The following INO80 variants were observed in gnomAD, a reference collection of about 807,000 sequenced individuals.
INO80 encodes the protein INO80 complex ATPase subunit.
In INO80, 20 loss-of-function variants were observed where a neutral mutation model predicts 203.4. The ratio of observed to expected loss-of-function variants is 0.10; its 90% confidence interval spans 0.07 to 0.14. The LOEUF (loss-of-function observed/expected upper bound fraction) is 0.14, where lower values mean the gene tolerates loss of function less well. INO80 is among the 10% of genes least tolerant of loss of function. The pLI, the probability that INO80 is intolerant of heterozygous loss-of-function variation, is 1.00. For missense variants in INO80, 1,419 were observed against 1,914.4 expected (o/e 0.74, Z 4.83); for synonymous variants, 726 against 685.2 (o/e 1.06, Z -0.93).
chr15:41,069,819 C>T (rs868585681), intron 13 of INO80, among the ~76,000 whole-genome samples, 154 bp from the exon 14 acceptor site: 49 of 152,160 alleles, frequency 3.2e-4, no homozygotes, highest in Middle Eastern at 6.8e-3. Context: ...TAGTAATATC[C>T]TATGTTAATA....
intron 7 of INO80, among the ~76,000 whole-genome samples, chr15:41,082,936 C>T (rs2045506438): frequency 6.6e-6 from 1 of 151,756 alleles, no homozygotes; most frequent in African/African-American, 2.4e-5. Context: ...TCTGAGGCCT[C>T]TTCATCAGGT....
intron 4 of INO80, among the ~76,000 whole-genome samples, chr15:41,094,621 CTTATGGAAG>C (rs2045693545): frequency 6.6e-6 from 1 of 152,182 alleles, no homozygotes; most frequent in Admixed American, 6.5e-5. Context: ...TACTCAGGAA[CTTATGGAAG>C]TTATGGAATT....
At position 41,056,098 on chromosome 15, in the gene INO80, T is replaced by A. The variant is rs537278801; in HGVS notation, c.2070+524A>T. Among the ~76,000 whole-genome samples, 407 of 152,114 alleles carry A rather than the reference T, an allele frequency of 2.7e-3. 3 individuals carry two copies. Among genetic ancestry groups the A allele is most frequent in the South Asian group, 0.013 (61 of 4,822 alleles). On this transcript the variant is annotated intron_variant, in intron 17 of 35. Transcript: ENST00000648947. ...AGCTAAGACTACAGGCATGCACCAC[T>A]ATGCCTGGCTAATTTTTTGATTTTT... is the stretch of plus-strand genomic sequence containing the variant.
intron 13 of INO80, among the ~76,000 whole-genome samples, chr15:41,070,175 T>C (rs2045288368): frequency 1.3e-5 from 2 of 152,226 alleles, no homozygotes; most frequent in African/African-American, 4.8e-5. Context: ...AGAGCTGAAA[T>C]GTTAGGCAAG....
chr15:41,080,972 T>A (rs899800389), intron 8 of INO80, 48 bp downstream of exon 8: 1 of 1,232,322 alleles, frequency 8.1e-7, no homozygotes, highest in Non-Finnish European at 1.2e-6. Context: ...AGAAGAAGAA[T>A]ATATTCCAGC....
rs2043746851 is a variant in INO80, at chr15:40,987,107, T to G, written c.3816A>C (p.Glu1272Asp). ...AGTACATACGTTTCTTCTCCAACTC[T>G]TCGTCGTCTAGAAGAAGACTAACCA... The part of the protein sequence containing the change: ...KEVVSLLLDD[E>D]ELEKKLRLRQ... Residue 1272 changes from glutamate to aspartate, a missense_variant, in exon 31 of 36, where the codon GAA becomes GAC. Glu to Asp is a conservative substitution (Grantham distance 45). This residue lies in a region of INO80 where 214 missense variants were observed against 248.9 expected (regional missense o/e 0.86). Transcript: ENST00000648947. The G allele has an allele frequency of 3.7e-6, 6 of 1,607,258 alleles. No individual in the cohort carries two copies. Among genetic ancestry groups the G allele is most frequent in the Admixed American group, 1.7e-5 (1 of 60,002 alleles).
intron 29 of INO80, among the ~76,000 whole-genome samples, chr15:40,993,382 T>C (rs1472376331): frequency 6.6e-6 from 1 of 152,146 alleles, no homozygotes; most frequent in Admixed American, 6.5e-5. Context: ...AAACATACTT[T>C]AATAAAATGA....
At chr15:40,985,180 G>A (rs1394119088) in intron 32 of INO80, among the ~76,000 whole-genome samples, 158 bp downstream of exon 32, 1 of 152,146 alleles carries the variant, frequency 6.6e-6, no homozygotes, top group African/African-American at 2.4e-5. Context: ...CATTTCTCCT[G>A]AGCAAAGCGT....
intron 1 of INO80, among the ~76,000 whole-genome samples, chr15:41,114,149 A>C (rs1054101711): frequency 7.9e-4 from 119 of 151,160 alleles, no homozygotes; most frequent in African/African-American, 2.8e-3. Flanking sequence ...CGCCTGTAAT[A>C]CCAGCTACTC....
intron 14 of INO80, among the ~76,000 whole-genome samples, chr15:41,067,076 A>G (rs371563011): frequency 6.6e-6 from 1 of 151,772 alleles, no homozygotes; most frequent in Non-Finnish European, 1.5e-5. Context: ...AAGACCTTTT[A>G]TTTTTCTTTT....
intron 24 of INO80, among the ~76,000 whole-genome samples, chr15:41,037,980 C>A (rs1596281306): frequency 6.6e-6 from 1 of 150,986 alleles, no homozygotes; most frequent in Non-Finnish European, 1.5e-5. Flanking sequence ...CGCACCCCCA[C>A]CAAATGCCTC....
Position 40,985,067 on chromosome 15 carries a change from A to G in INO80, c.3921+271T>C, listed in dbSNP as rs557400788. On this transcript the variant is annotated intron_variant, in intron 32 of 35. Coordinates refer to ENST00000648947, the MANE Select transcript of INO80 (RefSeq NM_017553.3). ...GTAATGCCCATCTTAGTCACATTTT[A>G]GCCTTCCACGCTTTGTAACAGCCCT... Among the ~76,000 whole-genome samples, 3 of 152,256 alleles carry G rather than the reference A, an allele frequency of 2.0e-5. No homozygotes were observed. The South Asian group carries it at 6.2e-4, about 32-fold the overall frequency.
chr15:41,095,773 C>T lies in INO80; in HGVS notation c.299G>A (p.Gly100Glu), dbSNP rs1421131098. 6.2e-7 allele frequency: 1 copy of T among 1,614,106 alleles called. No homozygotes were observed. Among genetic ancestry groups the T allele is most frequent in the Non-Finnish European group, 8.5e-7 (1 of 1,180,008 alleles). The change falls in exon 3 of 36, where the codon GGA becomes GAA. Residue 100 changes from glycine to glutamate, a missense_variant. By Grantham distance (98) the Gly-to-Glu change is moderately conservative (BLOSUM62 -2). Transcript: ENST00000648947. ...ACCACACTGACCTGACTGTAGAACT[C>T]CATTCAGAGAATATGTGTTTAACAT... ...SGMLNTYSLNGVLQSESKCDK... is the reference protein window; with the variant it reads ...SGMLNTYSLNEVLQSESKCDK...
At chr15:41,057,280 C>T (rs1469863864) in intron 16 of INO80, among the ~76,000 whole-genome samples, 1 of 151,096 alleles carries the variant, frequency 6.6e-6, no homozygotes, top group East Asian at 2.0e-4. Context: ...CATGGAGAAA[C>T]CCCGTGTCTA....
intron 19 of INO80, 69 bp downstream of exon 19, chr15:41,053,860 A>G: frequency 8.4e-7 from 1 of 1,194,982 alleles, no homozygotes; most frequent in East Asian, 2.4e-5. Context: ...TATATCAATA[A>G]ATTTCTCCCC....
chr15:41,088,968 T>G (rs1177988234), intron 5 of INO80, among the ~76,000 whole-genome samples: 1 of 151,536 alleles, frequency 6.6e-6, no homozygotes, highest in African/African-American at 2.4e-5. Context: ...GTGGGCAAAT[T>G]ATTTGAGGTC....
intron 32 of INO80, among the ~76,000 whole-genome samples, chr15:40,984,955 ACT>A (rs1893964980): frequency 6.6e-6 from 1 of 152,206 alleles, no homozygotes; most frequent in African/African-American, 2.4e-5. Flanking sequence ...GACAGATGAC[ACT>A]GAGTGGTACA....
intron 24 of INO80, among the ~76,000 whole-genome samples, chr15:41,033,280 T>C (rs1192431257): frequency 6.6e-6 from 1 of 152,136 alleles, no homozygotes; most frequent in Non-Finnish European, 1.5e-5. Flanking sequence ...CTTTTTTGTC[T>C]TTATTCTTCT....
At chr15:41,027,809 C>T (rs1596271374) in intron 24 of INO80, 73 bp from the exon 25 acceptor site, 3 of 1,143,506 alleles carry the variant, frequency 2.6e-6, no homozygotes, top group East Asian at 5.1e-5. Flanking sequence ...AAAAAAGCCA[C>T]ATATTAAACA....
Sources: gnomAD v4.1 joint callset for allele counts (sites outside exome capture counted in the v4.1 genomes callset) on GRCh38, gnomAD v4.1.1 for gene constraint, gnomAD v4.1.1 regional missense constraint, MANE v1.5 for transcripts, NCBI Gene and HGNC (gene_info 2026-07-23, HGNC 2026-07-21) for gene names.